TTLL5: variants seen among roughly 807,000 people sequenced by gnomAD.
TTLL5 encodes tubulin tyrosine ligase like 5, also known as tubulin polyglutamylase TTLL5.
A neutral mutation model predicts 168.4 loss-of-function variants in TTLL5; 132 were observed. The ratio of observed to expected loss-of-function variants is 0.78; its 90% CI spans 0.68 to 0.91. The LOEUF is 0.91. Among genes scored for constraint, TTLL5 ranks in the 40% least tolerant of loss-of-function variants. TTLL5 has a pLI of 0.00. For missense variants in TTLL5, 1,545 were observed against 1,581.5 expected, an observed-to-expected ratio of 0.98 and a Z score of 0.39; for synonymous variants, 546 against 558.6, an observed-to-expected ratio of 0.98 and a Z score of 0.32.
chr14:75,865,654 T>C (rs923935281), intron 29 of TTLL5, among the ~76,000 whole-genome samples: 2 of 152,226 alleles, frequency 1.3e-5, no homozygotes, highest in African/African-American at 2.4e-5. Flanking sequence ...TTTTCACTTT[T>C]AGAAACTGCT....
intron 15 of TTLL5, among the ~76,000 whole-genome samples, chr14:75,743,260 T>C (rs1462463961): frequency 6.6e-6 from 1 of 151,998 alleles, no homozygotes; most frequent in African/African-American, 2.4e-5. Flanking sequence ...GCTTTGGAGA[T>C]TGGTTAGTTG....
At chr14:75,850,542 T>C (rs1158084765) in intron 28 of TTLL5, among the ~76,000 whole-genome samples, 3 of 152,104 alleles carry the variant, frequency 2.0e-5, no homozygotes, top group Non-Finnish European at 4.4e-5. Context: ...AATTTATTCA[T>C]TCATATTTAT....
rs543706718 is a variant in TTLL5 at position 75,938,972 on chromosome 14, G to A, written c.3824-15452G>A. Among the ~76,000 whole-genome samples, 43 of 152,348 alleles carry A rather than the reference G, an allele frequency of 2.8e-4. 1 individual carries two copies. The highest frequency in any genetic ancestry group is 6.8e-3 in the Middle Eastern group (2 of 294). Reference sequence around the variant, plus strand: ...GACCTAGCAGTGGGTCATCCAATCAGTTTAACGGGTCGCAACCAGGCTCAC... The same window carrying A: ...GACCTAGCAGTGGGTCATCCAATCAATTTAACGGGTCGCAACCAGGCTCAC... On this transcript the variant is annotated intron_variant, in intron 31 of 31. Transcript: ENST00000298832.
chr14:75,705,961 G>A (rs1189458173), intron 7 of TTLL5, among the ~76,000 whole-genome samples: 1 of 151,844 alleles, frequency 6.6e-6, no homozygotes, highest in East Asian at 1.9e-4. Flanking sequence ...CTTTGCCAGG[G>A]GTTCAAATCC....
intron 28 of TTLL5, among the ~76,000 whole-genome samples, chr14:75,833,344 G>A (rs1895685717): frequency 6.6e-6 from 1 of 152,216 alleles, no homozygotes; most frequent in African/African-American, 2.4e-5. Flanking sequence ...CCTTCTCAGA[G>A]AAGAATAGGA....
intron 28 of TTLL5, among the ~76,000 whole-genome samples, chr14:75,829,885 A>G (rs1379788637): frequency 4.6e-5 from 7 of 152,218 alleles, no homozygotes; most frequent in Non-Finnish European, 1.0e-4. Context: ...AGAAACTGAA[A>G]TCAAGCTGGC....
At chr14:75,854,981 A>G (rs1376061468) in intron 28 of TTLL5, among the ~76,000 whole-genome samples, 5 of 151,886 alleles carry the variant, frequency 3.3e-5, no homozygotes, top group Non-Finnish European at 4.4e-5. Flanking sequence ...TCTTTTCCTT[A>G]GTGATGTCTT....
At chr14:75,924,214 C>T (rs2033926337) in intron 31 of TTLL5, among the ~76,000 whole-genome samples, 1 of 151,326 alleles carries the variant, frequency 6.6e-6, no homozygotes, top group Admixed American at 6.6e-5. Flanking sequence ...GCATTTAGCC[C>T]ATTTACATTT....
chr14:75,884,230 G>T (rs187558745), intron 30 of TTLL5, among the ~76,000 whole-genome samples: 1 of 152,204 alleles, frequency 6.6e-6, no homozygotes, highest in Admixed American at 6.5e-5. Context: ...TGGAAAGCCC[G>T]TAGTTAACTA....
intron 27 of TTLL5, among the ~76,000 whole-genome samples, chr14:75,814,110 A>T (rs1223182244): frequency 6.6e-6 from 1 of 152,204 alleles, no homozygotes; most frequent in African/African-American, 2.4e-5. Flanking sequence ...CAGATTTGGG[A>T]TGCTCAATTG....
intron 9 of TTLL5, chr14:75,709,063 G>A (rs1886859096): frequency 3.1e-6 from 2 of 652,958 alleles, no homozygotes; most frequent in Non-Finnish European, 5.5e-6. Context: ...TGCAGCCTGT[G>A]GGCCTCAGGT....
At chr14:75,946,966 A>T (rs1000856261) in intron 31 of TTLL5, among the ~76,000 whole-genome samples, 8 of 152,220 alleles carry the variant, frequency 5.3e-5, no homozygotes, top group African/African-American at 1.9e-4. Flanking sequence ...TGGAGCTGTC[A>T]TGTTGCACGA....
In TTLL5 at chr14:75,707,807, AT is replaced by A; in HGVS notation, c.740+105del. On this transcript the variant is annotated intron_variant, in intron 9 of 31. Coordinates refer to ENST00000298832, the MANE Select transcript of TTLL5 (RefSeq NM_015072.5). ...CAAGTTTATTAAATCAGATCATGCT[AT>A]TTTTACTTGTCATTACTGCTTACAG... 5 of 1,030,792 alleles carry A rather than the reference AT, an allele frequency of 4.9e-6. 1 individual carries two copies. The highest frequency in any genetic ancestry group is 4.4e-6 in the Non-Finnish European group (3 of 675,540). The allele number at this position is 1,030,792 out of a possible 1,614,324, so 63.9% of individuals were successfully genotyped here. A position where few individuals can be genotyped will look rare whatever the true frequency, so the allele number is the denominator to read the frequency against.
chr14:75,712,502 A>C (rs1281928629), intron 9 of TTLL5: 25 of 61,514 alleles, frequency 4.1e-4, no homozygotes, highest in Admixed American at 4.0e-3. Flanking sequence ...ACAGCAGGAC[A>C]AAAAAAAAAA....
chr14:75,735,394 A>G, intron 15 of TTLL5, 105 bp downstream of exon 15: 1 of 1,093,906 alleles, frequency 9.1e-7, no homozygotes, highest in South Asian at 1.3e-5. Context: ...CACTTAGAGC[A>G]GGAGAATTTG....
chr14:75,680,771 C>T (rs900682019), intron 3 of TTLL5, among the ~76,000 whole-genome samples: 2 of 151,912 alleles, frequency 1.3e-5, no homozygotes, highest in Non-Finnish European at 2.9e-5. Flanking sequence ...ATTACAGGTG[C>T]GTACCACCAC....
intron 12 of TTLL5, among the ~76,000 whole-genome samples, chr14:75,721,316 G>T (rs950242965): frequency 1.3e-5 from 2 of 152,140 alleles, no homozygotes; most frequent in Non-Finnish European, 2.9e-5. Flanking sequence ...AGCTATAATG[G>T]TAGCACTGAG....
intron 30 of TTLL5, among the ~76,000 whole-genome samples, chr14:75,883,854 G>A (rs1436765006): frequency 1.3e-5 from 2 of 152,226 alleles, no homozygotes; most frequent in African/African-American, 2.4e-5. Context: ...GAAGGCTGCA[G>A]TTTGTGGTTG....
chr14:75,905,771 T>C (rs2033119556), intron 31 of TTLL5, among the ~76,000 whole-genome samples: 1 of 152,234 alleles, frequency 6.6e-6, no homozygotes, highest in Admixed American at 6.5e-5. Flanking sequence ...GCTGATTTGA[T>C]AATGTAAACT....
Sources: allele counts gnomAD v4.1 joint callset (sites outside exome capture counted in the v4.1 genomes callset), GRCh38; gene constraint gnomAD v4.1.1; transcripts MANE v1.5; gene names NCBI Gene and HGNC (gene_info 2026-07-23, HGNC 2026-07-21).